WDFY3: variants seen among roughly 807,000 people sequenced by gnomAD.
The protein encoded by WDFY3 is WD repeat and FYVE domain-containing protein 3.
A neutral mutation model predicts 409.6 loss-of-function variants in WDFY3; 66 were observed. The ratio of observed to expected loss-of-function variants is 0.16; its 90% CI spans 0.13 to 0.20. WDFY3 has a LOEUF of 0.20. Among genes scored for constraint, WDFY3 ranks in the 10% least tolerant of loss-of-function variants. The pLI is 1.00. For missense variants in WDFY3, 3,031 were observed against 4,298.1 expected (o/e 0.71, Z 8.24); for synonymous variants, 1,521 against 1,537.1 (o/e 0.99, Z 0.25).
chr4:84,689,947 A>G (rs1473068934), intron 61 of WDFY3, among the ~76,000 whole-genome samples: 3 of 152,228 alleles, frequency 2.0e-5, no homozygotes, highest in African/African-American at 2.4e-5. Context: ...CAGATCAAAT[A>G]TTAAGAAATG....
chr4:84,768,368 A>G (rs1340521669), intron 30 of WDFY3, among the ~76,000 whole-genome samples: 1 of 152,220 alleles, frequency 6.6e-6, no homozygotes, highest in Non-Finnish European at 1.5e-5. Flanking sequence ...AGAGGGGAGA[A>G]GTTAATGCCT....
chr4:84,682,735 A>C (rs1487615753), intron 63 of WDFY3: 2 of 358,128 alleles, frequency 5.6e-6, no homozygotes, highest in Non-Finnish European at 1.0e-5. Flanking sequence ...TAATCCCAGC[A>C]CTTTGGGAAG....
In WDFY3 at chr4:84,808,086, A is replaced by G. The variant is rs545680644; in HGVS notation, c.2429+248T>C. Among the ~76,000 whole-genome samples the G allele has an allele frequency of 2.8e-3, 420 of 152,286 alleles. 3 individuals carry two copies. Among genetic ancestry groups the G allele is most frequent in the African/African-American group, 9.5e-3 (394 of 41,568 alleles). On this transcript the variant is annotated intron_variant, in intron 15 of 67. Transcript: ENST00000295888. ...ACAAAAATGTGTAGTTTAGTTATGA[A>G]AACAGTTGGATGACAAAATTATATA...
rs200157355 is a variant in WDFY3, at chr4:84,673,030, C to A, written c.10458-39G>T. ...AAAGTCAATTAATTATAGGTCTTCT[C>A]CATGCTTGATCATGGGCACCGGAAA... On this transcript the variant is annotated intron_variant, in intron 67 of 67. Transcript: ENST00000295888. 7.4e-6 allele frequency: 12 copies of A among 1,610,808 alleles called. No individual in the cohort carries two copies. In the African/African-American group the frequency reaches 1.6e-4, roughly 22 times the overall value.
At chr4:84,872,913 C>T (rs907542845) in intron 3 of WDFY3, among the ~76,000 whole-genome samples, 8 of 151,960 alleles carry the variant, frequency 5.3e-5, no homozygotes, top group African/African-American at 9.7e-5. Context: ...TGTAGTCTTT[C>T]GGATAAGAAA....
intron 4 of WDFY3, among the ~76,000 whole-genome samples, chr4:84,856,722 T>C (rs765894287): frequency 2.0e-5 from 3 of 152,126 alleles, no homozygotes; most frequent in Non-Finnish European, 4.4e-5. Flanking sequence ...TAAGCACACT[T>C]TAAAAACTAG....
rs769605056 is a variant in WDFY3, at chr4:84,821,555, G to C, written c.1124-4C>G. The C allele has an allele frequency of 2.5e-6, 4 of 1,594,878 alleles. No individual in the cohort carries two copies. The highest frequency in any genetic ancestry group is 3.4e-6 in the Non-Finnish European group (4 of 1,171,872). ...TGGACGTTTCTCACACTGTGACCTAGAACAGAAAAGAAAAACATAAAAGTA... is the reference window on the plus strand; with the variant it reads ...TGGACGTTTCTCACACTGTGACCTACAACAGAAAAGAAAAACATAAAAGTA... On this transcript the variant is annotated splice_region_variant and splice_polypyrimidine_tract_variant and intron_variant, in intron 10 of 67. Transcript: ENST00000295888.
At chr4:84,754,644 C>T (rs1309818821) in intron 34 of WDFY3, among the ~76,000 whole-genome samples, 1 of 152,156 alleles carries the variant, frequency 6.6e-6, no homozygotes, top group Non-Finnish European at 1.5e-5. Flanking sequence ...ACAGGAACAT[C>T]AGTTCTGTCT....
chr4:84,718,003 G>C (rs954628569), intron 48 of WDFY3, among the ~76,000 whole-genome samples: 1 of 135,408 alleles, frequency 7.4e-6, no homozygotes, highest in African/African-American at 2.8e-5. Flanking sequence ...AGCCGAGATT[G>C]CGCCACTGCC....
At chr4:84,720,217 T>C (rs886643557) in intron 47 of WDFY3, among the ~76,000 whole-genome samples, 26 of 152,134 alleles carry the variant, frequency 1.7e-4, no homozygotes, top group Middle Eastern at 3.2e-3. Flanking sequence ...CAAGTAATTA[T>C]GACATGATAA....
At chr4:84,953,315 CT>C (rs1353089820) in intron 1 of WDFY3, among the ~76,000 whole-genome samples, 1 of 151,470 alleles carries the variant, frequency 6.6e-6, no homozygotes, top group African/African-American at 2.4e-5. Context: ...GGAGAGGTGT[CT>C]CAAAAGATAC....
Position 84,736,958 on chromosome 4 carries a change from T to C in WDFY3, c.6757+226A>G, listed in dbSNP as rs1737546524. ...TGTTAGCAATGCATTACATTCTGAA[T>C]GCATAAACGCCTGATGTATAACATA... On this transcript the variant is annotated intron_variant, in intron 41 of 67. Transcript: ENST00000295888. Among the ~76,000 whole-genome samples the C allele has an allele frequency of 2.8e-5, 4 of 144,292 alleles. No individual in the cohort carries two copies. In the South Asian group the frequency reaches 8.5e-4, roughly 31 times the overall value. The allele number at this position is 144,292 out of a possible 152,430, so 94.7% of individuals were successfully genotyped here.
At chr4:84,791,664 T>C (rs1748554555) in intron 21 of WDFY3, among the ~76,000 whole-genome samples, 1 of 152,194 alleles carries the variant, frequency 6.6e-6, no homozygotes, top group Non-Finnish European at 1.5e-5. Flanking sequence ...GACAACTATC[T>C]ATTATTAGTG....
intron 2 of WDFY3, among the ~76,000 whole-genome samples, 191 bp from the exon 3 acceptor site, chr4:84,897,201 C>T (rs1765753582): frequency 6.6e-6 from 1 of 152,146 alleles, no homozygotes; most frequent in Non-Finnish European, 1.5e-5. Flanking sequence ...CAAATTAAGT[C>T]TCTGGGGCTA....
chr4:84,837,012 G>A lies in WDFY3; in HGVS notation c.493C>T (p.His165Tyr). 3.1e-6 allele frequency: 5 copies of A among 1,602,388 alleles called. No individual in the cohort carries two copies. The highest frequency in any genetic ancestry group is 4.3e-6 in the Non-Finnish European group (5 of 1,174,614). Residue 165 changes from histidine to tyrosine, a missense_variant, in exon 7 of 68, where the codon CAT becomes TAT. Transcript: ENST00000295888. ...GCACCTCCAACTGCCTCAGGCACAT[G>A]TGGAAGGTCAAAAAACAGATATAAA... ...KCLYLFFDLP[H>Y]VPEAVGGAQN...
At chr4:84,751,378 A>G in intron 36 of WDFY3, 105 bp downstream of exon 36, 1 of 1,198,854 alleles carries the variant, frequency 8.3e-7, no homozygotes, top group Admixed American at 2.1e-5. Flanking sequence ...GCCTACACAT[A>G]AACAAGAGGA....
chr4:84,938,327 T>C (rs1193411972), intron 1 of WDFY3, among the ~76,000 whole-genome samples: 1 of 152,200 alleles, frequency 6.6e-6, no homozygotes, highest in African/African-American at 2.4e-5. Flanking sequence ...AAAGAATCAT[T>C]CTAAAATTTC....
At chr4:84,845,736 C>T (rs983677586) in intron 5 of WDFY3, among the ~76,000 whole-genome samples, 1 of 151,854 alleles carries the variant, frequency 6.6e-6, no homozygotes, top group Admixed American at 6.6e-5. Context: ...GATAACAACA[C>T]TGACCAAAAG....
chr4:84,819,664 G>A (rs530656545), intron 12 of WDFY3, among the ~76,000 whole-genome samples: 3 of 152,002 alleles, frequency 2.0e-5, no homozygotes, highest in Non-Finnish European at 2.9e-5. Flanking sequence ...GAGAGATTAC[G>A]TTTTATTAGA....
Sources: allele counts gnomAD v4.1 joint callset (sites outside exome capture counted in the v4.1 genomes callset), GRCh38; gene constraint gnomAD v4.1.1; transcripts MANE v1.5; gene names NCBI Gene and HGNC (gene_info 2026-07-23, HGNC 2026-07-21).